GABBR2: variants seen among roughly 807,000 people sequenced by gnomAD.
GABBR2 encodes the protein G-protein coupled receptor 51.
Under a neutral mutation model 105.6 loss-of-function variants are expected in GABBR2, and 23 were observed. The ratio of observed to expected loss-of-function variants is 0.22; its 90% CI spans 0.16 to 0.31. The LOEUF (loss-of-function observed/expected upper bound fraction) is 0.31, where lower values mean the gene tolerates loss of function less well. GABBR2 is among the 10% of genes least tolerant of loss of function. GABBR2 has a pLI of 1.00. For synonymous variants in GABBR2, 478 were observed against 499.7 expected (o/e 0.96, Z 0.58); for missense variants, 734 against 1,245.5 (o/e 0.59, Z 6.18).
At chr9:98,502,218 G>A (rs749738210) in intron 3 of GABBR2, among the ~76,000 whole-genome samples, 1 of 152,128 alleles carries the variant, frequency 6.6e-6, no homozygotes, top group Non-Finnish European at 1.5e-5. Flanking sequence ...GCAGGTAAAC[G>A]GATGACTCGG....
chr9:98,337,423 C>T lies in GABBR2; in HGVS notation c.1893+25292G>A, dbSNP rs756104215. Among the ~76,000 whole-genome samples, 29 of 152,288 alleles carry T rather than the reference C, an allele frequency of 1.9e-4. 1 individual carries two copies. The highest frequency in any genetic ancestry group is 3.2e-4 in the Non-Finnish European group (22 of 68,026). ...ATGGCAATACTCCCCATATTATCTA[C>T]AAACTCAAATCAACGCTTATGAAAA... On this transcript the variant is annotated intron_variant, in intron 13 of 18. Coordinates refer to ENST00000259455, the MANE Select transcript of GABBR2 (RefSeq NM_005458.8).
intron 18 of GABBR2, among the ~76,000 whole-genome samples, chr9:98,290,955 TGACCAGGGA>T (rs1348476138): frequency 1.3e-5 from 2 of 152,176 alleles, no homozygotes; most frequent in Admixed American, 1.3e-4. Flanking sequence ...GCCCTGGGAA[TGACCAGGGA>T]GACTTGAATA....
At chr9:98,671,807 A>T (rs963104001) in intron 1 of GABBR2, among the ~76,000 whole-genome samples, 3 of 152,210 alleles carry the variant, frequency 2.0e-5, no homozygotes, top group African/African-American at 7.2e-5. Context: ...AAAGAATTTG[A>T]GGACAGCAAG....
chr9:98,473,100 C>A (rs1826717599), intron 6 of GABBR2, 46 bp downstream of exon 6: 3 of 1,406,038 alleles, frequency 2.1e-6, no homozygotes, highest in African/African-American at 1.4e-5. Flanking sequence ...ACAAGATGAT[C>A]AAAGGAGGTG....
rs113649847 is a variant in GABBR2 at position 98,636,949 on chromosome 9, T to C, written c.322-58877A>G. ...CCTTGGAAGACTCTGGTTTGGTGGG[T>C]CTATAGTAGAGCCAAGGAATTCTTG... is the stretch of plus-strand genomic sequence containing the variant. On this transcript the variant is annotated intron_variant, in intron 1 of 18. Coordinates refer to ENST00000259455, the MANE Select transcript of GABBR2 (RefSeq NM_005458.8). Among the ~76,000 whole-genome samples, 107 of 152,058 alleles carry C rather than the reference T, an allele frequency of 7.0e-4. 1 individual carries two copies. The highest frequency in any genetic ancestry group is 2.4e-3 in the African/African-American group (100 of 41,466).
At chr9:98,577,532 G>T (rs1828937493) in intron 2 of GABBR2, among the ~76,000 whole-genome samples, 1 of 152,228 alleles carries the variant, frequency 6.6e-6, no homozygotes, top group Non-Finnish European at 1.5e-5. Flanking sequence ...TAAGGGAACG[G>T]TGAGAGCAGG....
chr9:98,303,095 C>A (rs1371042560), intron 16 of GABBR2, 146 bp downstream of exon 16: 1 of 600,520 alleles, frequency 1.7e-6, no homozygotes, highest in Non-Finnish European at 2.9e-6. Flanking sequence ...TTATGTCACC[C>A]CTGGCTCTCG....
chr9:98,389,104 C>T, intron 9 of GABBR2, 100 bp from the exon 10 acceptor site: 1 of 996,278 alleles, frequency 1.0e-6, no homozygotes, highest in South Asian at 1.6e-5. Flanking sequence ...GCCCTGCGCA[C>T]AAACTCTACA....
chr9:98,447,850 G>T (rs922523090), intron 7 of GABBR2, among the ~76,000 whole-genome samples: 1 of 151,816 alleles, frequency 6.6e-6, no homozygotes, highest in Non-Finnish European at 1.5e-5. Context: ...GGGGTGGGGG[G>T]AGCATTTTTT....
chr9:98,666,395 C>A (rs1391666468), intron 1 of GABBR2, among the ~76,000 whole-genome samples: 1 of 152,202 alleles, frequency 6.6e-6, no homozygotes, highest in African/African-American at 2.4e-5. Context: ...GCTTCTCATC[C>A]TTGCAGCTTT....
In GABBR2 at chr9:98,633,646, G is replaced by A. The variant is rs1461314906; in HGVS notation, c.322-55574C>T. On this transcript the variant is annotated intron_variant, in intron 1 of 18. Transcript: ENST00000259455. Reference sequence around the variant, plus strand: ...CATCTCAAAAAAAAAAAAAAAAAAAGAATAAGAACAGATAAAAGGCCCATC... The same window carrying A: ...CATCTCAAAAAAAAAAAAAAAAAAAAAATAAGAACAGATAAAAGGCCCATC... 7.6e-5 allele frequency among the ~76,000 whole-genome samples: 10 copies of A among 132,232 alleles called. No individual in the cohort carries two copies. The South Asian group carries it at 2.4e-3, about 32-fold the overall frequency. 86.7% of individuals were successfully genotyped at this position (132,232 alleles called of 152,430 possible).
intron 1 of GABBR2, among the ~76,000 whole-genome samples, chr9:98,697,391 G>T (rs571794935): frequency 1.3e-5 from 2 of 152,096 alleles, no homozygotes; most frequent in African/African-American, 2.4e-5. Context: ...CTCGGAAGGC[G>T]GAGGCAGGAG....
chr9:98,404,761 GC>G (rs1419183639), intron 8 of GABBR2, among the ~76,000 whole-genome samples: 1 of 152,052 alleles, frequency 6.6e-6, no homozygotes, highest in African/African-American at 2.4e-5. Flanking sequence ...GGTTTCTGAG[GC>G]CCTTCTGACA....
Position 98,306,458 on chromosome 9 carries a change from G to T in GABBR2, c.2005-113C>A. The T allele has an allele frequency of 1.6e-6, 1 of 623,904 alleles. No individual in the cohort carries two copies. The allele number at this position is 623,904 out of a possible 1,614,324, so 38.6% of individuals were successfully genotyped here. A position where few individuals can be genotyped will look rare whatever the true frequency, so the allele number is the denominator to read the frequency against. The stretch of plus-strand genomic sequence containing the variant: ...TACTCAGGAGGTGGGCTGCAGGGAG[G>T]GAGGGTCGGGGGCCTTGCTGTCAGC... On this transcript the variant is annotated intron_variant, in intron 14 of 18. Coordinates refer to ENST00000259455, the MANE Select transcript of GABBR2 (RefSeq NM_005458.8). The surrounding 1 kb of genome is among the most constrained non-coding windows in gnomAD (Gnocchi z 5.4).
chr9:98,591,317 GCAGGAGCA>G (rs1217097292), intron 1 of GABBR2, among the ~76,000 whole-genome samples: 1 of 152,218 alleles, frequency 6.6e-6, no homozygotes, highest in Non-Finnish European at 1.5e-5. Context: ...GTGTTCACTA[GCAGGAGCA>G]CAGGATGGAG....
At chr9:98,678,844 A>G (rs1362668769) in intron 1 of GABBR2, among the ~76,000 whole-genome samples, 2 of 152,212 alleles carry the variant, frequency 1.3e-5, no homozygotes, top group Non-Finnish European at 2.9e-5. Context: ...TAAGGTTTCT[A>G]TACAGTTGGG....
rs555800727 is a variant in GABBR2, at chr9:98,394,271, G to A, written c.1298-16C>T. On this transcript the variant is annotated splice_polypyrimidine_tract_variant and intron_variant, in intron 8 of 18. Coordinates refer to ENST00000259455, the MANE Select transcript of GABBR2 (RefSeq NM_005458.8). ...TCCCTGCTGTCTGTGGGGAGCAAAA[G>A]ACAGTGGCCAGTTAGACTGGGATCT... 1 of 1,596,512 alleles carries A rather than the reference G, an allele frequency of 6.3e-7. No individual in the cohort carries two copies. The highest frequency in any genetic ancestry group is 1.7e-5 in the Admixed American group (1 of 59,980).
chr9:98,503,177 G>A (rs921090797), intron 3 of GABBR2, among the ~76,000 whole-genome samples: 2 of 152,202 alleles, frequency 1.3e-5, no homozygotes, highest in Non-Finnish European at 2.9e-5. Context: ...GTGGGGCAGG[G>A]AAAAGGATTC....
intron 1 of GABBR2, among the ~76,000 whole-genome samples, chr9:98,582,390 C>A (rs1174424087): frequency 1.3e-5 from 2 of 152,172 alleles, no homozygotes; most frequent in Non-Finnish European, 2.9e-5. Flanking sequence ...CCAGAATGAG[C>A]CTGGAAGCAA....
Sources: gnomAD v4.1 joint callset for allele counts (sites outside exome capture counted in the v4.1 genomes callset) on GRCh38, gnomAD v4.1.1 for gene constraint, Gnocchi (gnomAD v3.1) non-coding constraint, MANE v1.5 for transcripts, NCBI Gene and HGNC (gene_info 2026-07-23, HGNC 2026-07-21) for gene names.